The following SLC16A2 variants were observed in gnomAD, a reference collection of about 807,000 sequenced individuals.
SLC16A2 encodes the protein monocarboxylate transporter 8.
Under a neutral mutation model 27.2 loss-of-function variants are expected in SLC16A2, and 3 were observed. The ratio of observed to expected loss-of-function variants is 0.11; its 90% CI spans 0.05 to 0.28. The LOEUF is 0.28. Among genes scored for constraint, SLC16A2 ranks in the 10% least tolerant of loss-of-function variants. The probability of loss-of-function intolerance (pLI) is 1.00; values close to 1 mark genes in which losing one functional copy is unlikely to be tolerated. For missense variants in SLC16A2, 295 were observed against 458.5 expected, an observed-to-expected ratio of 0.64 and a Z score of 3.26; for synonymous variants, 202 against 187.8, an observed-to-expected ratio of 1.08 and a Z score of -0.62.
At chrX:74,455,286 G>A (rs1369300326) in intron 1 of SLC16A2, among the ~76,000 whole-genome samples, 3 of 110,997 alleles carry the variant, frequency 2.7e-5, no homozygotes. Flanking sequence ...TTATCTCGGG[G>A]AAAGTTAGAG....
At chrX:74,458,352 T>A (rs1232349008) in intron 1 of SLC16A2, among the ~76,000 whole-genome samples, 2 of 111,983 alleles carry the variant, frequency 1.8e-5, no homozygotes, top group Non-Finnish European at 3.8e-5. Context: ...ACTTAAGATT[T>A]ACTTTTTCTT....
intron 1 of SLC16A2, among the ~76,000 whole-genome samples, chrX:74,475,654 A>T (rs373079616): frequency 1.8e-5 from 2 of 111,786 alleles, no homozygotes; most frequent in Non-Finnish European, 3.8e-5. Context: ...AATTAATTTT[A>T]GTATAAGGTG....
intron 1 of SLC16A2, among the ~76,000 whole-genome samples, chrX:74,459,969 G>A (rs1375083566): frequency 9.0e-6 from 1 of 111,684 alleles, no homozygotes; most frequent in Admixed American, 9.5e-5. Flanking sequence ...CAAGACTCAA[G>A]GTGGTCTGAC....
chrX:74,423,343 A>G (rs1398156589), intron 1 of SLC16A2, among the ~76,000 whole-genome samples: 1 of 111,591 alleles, frequency 9.0e-6, no homozygotes, highest in African/African-American at 3.3e-5. Context: ...ACCCCCACAT[A>G]TTTCTACTGC....
chrX:74,480,075 C>T (rs1363169326), intron 1 of SLC16A2, among the ~76,000 whole-genome samples: 1 of 112,346 alleles, frequency 8.9e-6, no homozygotes, highest in Non-Finnish European at 1.9e-5. Flanking sequence ...TGCCCTGCCC[C>T]CAGAGGTGGA....
chrX:74,525,637 T>C, intron 3 of SLC16A2, 113 bp from the exon 4 acceptor site: 3 of 884,639 alleles, frequency 3.4e-6, no homozygotes, highest in Non-Finnish European at 5.0e-6. Context: ...AGAGGGGGTT[T>C]CTGTCCTGCT....
At chrX:74,501,610 A>G (rs1332666144) in intron 1 of SLC16A2, among the ~76,000 whole-genome samples, 1 of 111,174 alleles carries the variant, frequency 9.0e-6, no homozygotes, top group Non-Finnish European at 1.9e-5. Flanking sequence ...TGCTCCAGCA[A>G]AAGTTACCAC....
chrX:74,434,727 C>T (rs1170281019), intron 1 of SLC16A2, among the ~76,000 whole-genome samples: 1 of 110,827 alleles, frequency 9.0e-6, no homozygotes, highest in East Asian at 2.8e-4. Context: ...CAAACAGGTC[C>T]TCAGATCCCA....
In SLC16A2 at chrX:74,421,809, C is replaced by T. The variant is rs769050196; in HGVS notation, c.172C>T (p.Leu58=). 2 of 1,170,796 alleles carry T rather than the reference C, an allele frequency of 1.7e-6. No homozygotes were observed. The highest frequency in any genetic ancestry group is 3.7e-5 in the South Asian group (2 of 53,939). Residue 58 remains leucine (L), a synonymous_variant, in exon 1 of 6, where the codon CTA becomes TTA. Transcript: ENST00000587091. ...PPEPQPEPQP[L]PDPAPLPELE... is the part of the protein sequence containing the mutation. ...CGAGCCCCAGCCGGAGCCCCAGCCC[C>T]TACCGGACCCCGCACCCCTGCCGGA...
chrX:74,486,300 A>C (rs1292369833), intron 1 of SLC16A2, among the ~76,000 whole-genome samples: 1 of 111,780 alleles, frequency 8.9e-6, no homozygotes, highest in Admixed American at 9.5e-5. Context: ...GTCAGTAAAT[A>C]TTTTTCTTTA....
intron 1 of SLC16A2, among the ~76,000 whole-genome samples, chrX:74,449,184 G>T (rs1420922027): frequency 1.8e-5 from 2 of 111,973 alleles, no homozygotes; most frequent in Non-Finnish European, 3.8e-5. Context: ...CATTAGACCT[G>T]GGTTCTAACC....
intron 1 of SLC16A2, among the ~76,000 whole-genome samples, chrX:74,472,514 A>G (rs1929376651): frequency 1.8e-5 from 2 of 111,301 alleles, no homozygotes; most frequent in Admixed American, 9.6e-5. Context: ...AGGAAATATA[A>G]AGGGGTTTTT....
chrX:74,448,754 T>C (rs1362675804), intron 1 of SLC16A2, among the ~76,000 whole-genome samples: 1 of 111,742 alleles, frequency 8.9e-6, no homozygotes, highest in African/African-American at 3.2e-5. Flanking sequence ...AGCTGGAATG[T>C]CCAGTGGCAC....
chrX:74,504,017 G>A (rs770097084), intron 1 of SLC16A2, among the ~76,000 whole-genome samples: 27 of 112,418 alleles, frequency 2.4e-4, no homozygotes, highest in Admixed American at 6.6e-4. Flanking sequence ...CTAAGTAAGT[G>A]TTAACTATTG....
At chrX:74,524,878 A>T in intron 3 of SLC16A2, 69 bp downstream of exon 3, 3 of 947,198 alleles carry the variant, frequency 3.2e-6, no homozygotes, top group Non-Finnish European at 3.0e-6. Flanking sequence ...CCTAGATTCC[A>T]GAGGGTGGGG....
At chrX:74,438,825 G>T (rs1170166707) in intron 1 of SLC16A2, among the ~76,000 whole-genome samples, 2 of 111,793 alleles carry the variant, frequency 1.8e-5, no homozygotes, top group Non-Finnish European at 3.8e-5. Flanking sequence ...TTGCAGAGTA[G>T]CACAGCTGCT....
At chrX:74,490,292 A>G (rs1050166149) in intron 1 of SLC16A2, among the ~76,000 whole-genome samples, 3 of 110,394 alleles carry the variant, frequency 2.7e-5, no homozygotes, top group Non-Finnish European at 5.7e-5. Flanking sequence ...GTGCCATAAA[A>G]CCAATGGAGT....
In SLC16A2 at chrX:74,524,617, C is replaced by T. The variant is rs1156634487; in HGVS notation, c.834C>T (p.Leu278=). 8.3e-7 allele frequency: 1 copy of T among 1,211,576 alleles called. No individual in the cohort carries two copies. ...TGTTTGTTCTTATGCTGCTTTCACT[C>T]ACCTACCGGCCCCTCCTGCCCAGCT... ...TFMFVLMLLS[L]TYRPLLPSSQ... is the part of the protein sequence containing the mutation. Residue 278 remains leucine (L), a synonymous_variant, in exon 3 of 6, where the codon CTC becomes CTT. Transcript: ENST00000587091.
intron 1 of SLC16A2, among the ~76,000 whole-genome samples, chrX:74,505,151 A>T (rs1420088690): frequency 8.9e-6 from 1 of 112,029 alleles, no homozygotes; most frequent in Non-Finnish European, 1.9e-5. Flanking sequence ...TAGGAAAAAA[A>T]AATTCTAAAG....
Sources: gnomAD v4.1 joint callset for allele counts (sites outside exome capture counted in the v4.1 genomes callset) on GRCh38, gnomAD v4.1.1 for gene constraint, MANE v1.5 for transcripts, NCBI Gene and HGNC (gene_info 2026-07-23, HGNC 2026-07-21) for gene names.